The following NTNG1 variants were observed in gnomAD, a reference collection of about 807,000 sequenced individuals.
The protein encoded by NTNG1 is netrin-G1.
A neutral mutation model predicts 54.0 loss-of-function variants in NTNG1; 16 were observed. That is an observed-to-expected ratio of 0.30 (90% CI 0.20 to 0.45). The LOEUF (loss-of-function observed/expected upper bound fraction) is 0.45, where lower values mean the gene tolerates loss of function less well. Ranked by LOEUF, NTNG1 falls within the 20% of genes least tolerant of loss-of-function variation. The probability of loss-of-function intolerance (pLI) is 1.00; values close to 1 mark genes in which losing one functional copy is unlikely to be tolerated. For missense variants in NTNG1, 530 were observed against 678.7 expected, an observed-to-expected ratio of 0.78 and a Z score of 2.43; for synonymous variants, 255 against 263.1, an observed-to-expected ratio of 0.97 and a Z score of 0.30.
intron 7 of NTNG1, among the ~76,000 whole-genome samples, chr1:107,473,277 A>G (rs1361165269): frequency 6.6e-6 from 1 of 152,228 alleles, no homozygotes; most frequent in Non-Finnish European, 1.5e-5. Flanking sequence ...CACTGACAGC[A>G]TGAACCTAAA....
intron 3 of NTNG1, among the ~76,000 whole-genome samples, chr1:107,332,188 T>A (rs1002245053): frequency 4.6e-5 from 7 of 152,120 alleles, no homozygotes; most frequent in Non-Finnish European, 1.5e-5. Flanking sequence ...AGGTTTGTAC[T>A]ATTATAAGGA....
At chr1:107,383,261 T>C (rs1403373442) in intron 3 of NTNG1, among the ~76,000 whole-genome samples, 1 of 152,192 alleles carries the variant, frequency 6.6e-6, no homozygotes, top group African/African-American at 2.4e-5. Flanking sequence ...GGCTCACAGC[T>C]CTCTAGCCAG....
chr1:107,269,657 G>A (rs77133836), intron 2 of NTNG1, among the ~76,000 whole-genome samples: 2,448 of 152,274 alleles, frequency 0.016, 67 homozygotes, highest in African/African-American at 0.057. Flanking sequence ...CCTCTTAATT[G>A]ATTATGGGAG....
chr1:107,256,618 G>A (rs894300032), intron 2 of NTNG1, among the ~76,000 whole-genome samples: 1 of 152,298 alleles, frequency 6.6e-6, no homozygotes, highest in South Asian at 2.1e-4. Flanking sequence ...GAGCTAAGGG[G>A]AGGATGTTCA....
At chr1:107,327,919 A>G (rs1402750342) in intron 3 of NTNG1, among the ~76,000 whole-genome samples, 1 of 152,108 alleles carries the variant, frequency 6.6e-6, no homozygotes, top group South Asian at 2.1e-4. Flanking sequence ...TATACTGGCT[A>G]GTGTTTTTTA....
At chr1:107,192,562 C>T (rs180814774) in intron 2 of NTNG1, among the ~76,000 whole-genome samples, 4 of 152,150 alleles carry the variant, frequency 2.6e-5, no homozygotes, top group African/African-American at 9.6e-5. Context: ...TTTCAACTCA[C>T]AGGGGCCCTA....
intron 2 of NTNG1, among the ~76,000 whole-genome samples, chr1:107,199,812 T>C (rs964217580): frequency 2.0e-5 from 3 of 148,120 alleles, no homozygotes; most frequent in Non-Finnish European, 4.5e-5. Context: ...GTGGAAGCTA[T>C]AATGGAATAT....
At chr1:107,277,184 G>A (rs780235278) in intron 2 of NTNG1, among the ~76,000 whole-genome samples, 1 of 152,192 alleles carries the variant, frequency 6.6e-6, no homozygotes, top group East Asian at 1.9e-4. Flanking sequence ...AAGTGGCTGC[G>A]TTAATATCCT....
intron 3 of NTNG1, among the ~76,000 whole-genome samples, chr1:107,342,312 A>T (rs1017039274): frequency 6.6e-6 from 1 of 152,104 alleles, no homozygotes; most frequent in Non-Finnish European, 1.5e-5. Context: ...CATTAATAGA[A>T]TGATAATTAC....
chr1:107,408,626 T>TA (rs1246500846), intron 5 of NTNG1: 1 of 83,080 alleles, frequency 1.2e-5, no homozygotes, highest in Non-Finnish European at 3.1e-5. Context: ...AAATTTTAAA[T>TA]TTTTTTTTAT....
intron 2 of NTNG1, among the ~76,000 whole-genome samples, chr1:107,281,972 C>G (rs1348094683): frequency 6.6e-6 from 1 of 152,154 alleles, no homozygotes; most frequent in Non-Finnish European, 1.5e-5. Context: ...AGAACACTTG[C>G]AGACATCAGT....
intron 3 of NTNG1, among the ~76,000 whole-genome samples, chr1:107,329,403 G>A (rs555997698): frequency 4.6e-5 from 7 of 152,276 alleles, no homozygotes; most frequent in Admixed American, 2.6e-4. Context: ...GCTGTAATTA[G>A]AACAAGGTGG....
intron 2 of NTNG1, among the ~76,000 whole-genome samples, chr1:107,229,901 C>T (rs1332918513): frequency 6.6e-6 from 1 of 152,000 alleles, no homozygotes; most frequent in Non-Finnish European, 1.5e-5. Flanking sequence ...AAATGTATTT[C>T]CTGAGCAGAG....
chr1:107,297,112 C>CAA (rs1322271183), intron 2 of NTNG1, among the ~76,000 whole-genome samples: 3 of 143,792 alleles, frequency 2.1e-5, no homozygotes, highest in Non-Finnish European at 4.5e-5. Flanking sequence ...CACACACACA[C>CAA]ACAAACACAC....
chr1:107,212,910 A>G (rs890843109), intron 2 of NTNG1, among the ~76,000 whole-genome samples: 2 of 151,984 alleles, frequency 1.3e-5, no homozygotes, highest in Non-Finnish European at 2.9e-5. Context: ...GAGAAAGGTG[A>G]CCATTCAGAA....
chr1:107,167,302 C>G (rs1655871400), intron 2 of NTNG1, among the ~76,000 whole-genome samples: 2 of 151,634 alleles, frequency 1.3e-5, no homozygotes, highest in African/African-American at 4.8e-5. Flanking sequence ...TTAGAAGAAT[C>G]TATCTGTAAT....
intron 3 of NTNG1, among the ~76,000 whole-genome samples, chr1:107,346,023 C>T (rs1224035278): frequency 6.6e-6 from 1 of 152,178 alleles, no homozygotes; most frequent in Non-Finnish European, 1.5e-5. Context: ...AAAAGGCACA[C>T]CTGATAAGCC....
At chr1:107,171,302 A>T (rs185039948) in intron 2 of NTNG1, among the ~76,000 whole-genome samples, 3 of 152,008 alleles carry the variant, frequency 2.0e-5, no homozygotes, top group Admixed American at 6.6e-5. Flanking sequence ...GTGTGTGTAT[A>T]TATATATTTA....
intron 3 of NTNG1, among the ~76,000 whole-genome samples, chr1:107,372,843 A>G (rs1323635658): frequency 2.6e-5 from 4 of 152,138 alleles, no homozygotes; most frequent in Non-Finnish European, 4.4e-5. Context: ...GATTAGAATT[A>G]TTTTGTTCTT....
Sources: gnomAD v4.1 joint callset for allele counts (sites outside exome capture counted in the v4.1 genomes callset) on GRCh38, gnomAD v4.1.1 for gene constraint, MANE v1.5 for transcripts, NCBI Gene and HGNC (gene_info 2026-07-23, HGNC 2026-07-21) for gene names.